The following ATL3 variants were observed in gnomAD, a reference collection of about 807,000 sequenced individuals.
The protein encoded by ATL3 is atlastin-3.
A neutral mutation model predicts 69.5 loss-of-function variants in ATL3; 49 were observed. That is an observed-to-expected ratio of 0.71 (90% CI 0.56 to 0.89). ATL3 has a LOEUF of 0.89. Ranked by LOEUF, ATL3 falls within the 40% of genes least tolerant of loss-of-function variation. The pLI is 0.00. For missense variants in ATL3, 606 were observed against 645.7 expected (o/e 0.94, Z 0.67); for synonymous variants, 214 against 224.1 (o/e 0.95, Z 0.40).
chr11:63,635,706 C>T (rs1939492085), intron 9 of ATL3, 116 bp from the exon 10 acceptor site: 1 of 779,824 alleles, frequency 1.3e-6, no homozygotes, highest in Non-Finnish European at 2.1e-6. Context: ...AGGTCAACAA[C>T]CAGGAATTAG....
intron 5 of ATL3, 130 bp downstream of exon 5, chr11:63,651,806 G>A (rs1329925670): frequency 3.1e-6 from 4 of 1,299,940 alleles, no homozygotes; most frequent in African/African-American, 1.5e-5. Context: ...ACATAGTATA[G>A]AATTACTATG....
chr11:63,645,447 T>C (rs1939839896), intron 6 of ATL3, among the ~76,000 whole-genome samples: 1 of 151,972 alleles, frequency 6.6e-6, no homozygotes, highest in African/African-American at 2.4e-5. Flanking sequence ...GCTTACACAC[T>C]GAAAGCACCT....
intron 3 of ATL3, 92 bp downstream of exon 3, chr11:63,658,669 T>TAAG (rs1940330643): frequency 7.4e-7 from 1 of 1,349,124 alleles, no homozygotes; most frequent in African/African-American, 1.5e-5. Context: ...AATTCTTTGA[T>TAAG]AAAAGGTTTT....
intron 3 of ATL3, among the ~76,000 whole-genome samples, chr11:63,656,592 G>A (rs1040777234): frequency 1.1e-4 from 16 of 151,692 alleles, no homozygotes; most frequent in Admixed American, 3.9e-4. Flanking sequence ...AAATTAGCCA[G>A]GCGTGGTGGT....
chr11:63,671,521 ACAGCCCGAGGCGTGGCGAGCG>A, upstream of ATL3: 1 of 1,436,454 alleles, frequency 7.0e-7, no homozygotes, highest in South Asian at 1.4e-5. Context: ...GGCCCAACGG[ACAGCCCGAGGCGTGGCGAGCG>A]CAGGACGAGG....
At position 63,632,608 on chromosome 11, in the gene ATL3, T is replaced by C. The variant is rs1939359149; in HGVS notation, c.1107+418A>G. 4 of 876,336 alleles carry C rather than the reference T, an allele frequency of 4.6e-6. No individual in the cohort carries two copies. The East Asian group carries it at 9.6e-5, about 21-fold the overall frequency. 54.3% of individuals were successfully genotyped at this position (876,336 alleles called of 1,614,324 possible). On this transcript the variant is annotated intron_variant, in intron 11 of 12. Coordinates refer to ENST00000398868, the MANE Select transcript of ATL3 (RefSeq NM_015459.5). ...AGAATTCTACAGATTCCAGTTACTA[T>C]GGACCTATTCCATATGAACTAATAA... is the stretch of plus-strand genomic sequence containing the variant.
intron 10 of ATL3, among the ~76,000 whole-genome samples, chr11:63,634,085 G>A (rs1414802484): frequency 2.7e-5 from 4 of 147,076 alleles, no homozygotes; most frequent in African/African-American, 1.0e-4. Context: ...GGTGGCTTAC[G>A]CCTGTAATCC....
At chr11:63,645,867 G>T (rs1227843043) in intron 6 of ATL3, among the ~76,000 whole-genome samples, 1 of 151,518 alleles carries the variant, frequency 6.6e-6, no homozygotes, top group East Asian at 1.9e-4. Flanking sequence ...TACCAGGCTC[G>T]AGCGACTCTC....
intron 8 of ATL3, among the ~76,000 whole-genome samples, chr11:63,640,095 A>C (rs1939643823): frequency 6.6e-6 from 1 of 151,784 alleles, no homozygotes; most frequent in South Asian, 2.1e-4. Context: ...TGCCCAGCTA[A>C]TTTTGTATTT....
intron 8 of ATL3, among the ~76,000 whole-genome samples, chr11:63,638,672 T>G (rs1939597478): frequency 6.6e-6 from 1 of 151,224 alleles, no homozygotes; most frequent in Admixed American, 6.6e-5. Flanking sequence ...ACCACTGCAC[T>G]CCAGCCTGGG....
chr11:63,658,987 T>C (rs1375294663), intron 2 of ATL3, 51 bp downstream of exon 2: 2 of 1,605,020 alleles, frequency 1.2e-6, no homozygotes, highest in South Asian at 1.1e-5. Flanking sequence ...TTTCGCTTTT[T>C]TGGACATTAA....
chr11:63,663,989 T>C (rs1176685224), intron 1 of ATL3, among the ~76,000 whole-genome samples: 1 of 152,160 alleles, frequency 6.6e-6, no homozygotes, highest in Non-Finnish European at 1.5e-5. Context: ...GAGTGAATCA[T>C]CTTGGGCCAG....
At chr11:63,661,221 C>CAA (rs1229211370) in intron 1 of ATL3, among the ~76,000 whole-genome samples, 2 of 84,026 alleles carry the variant, frequency 2.4e-5, no homozygotes, top group South Asian at 3.7e-4. Flanking sequence ...GACTTGGTCT[C>CAA]AAAAAAAAAA....
At chr11:63,671,874 C>T (rs918446702), upstream of ATL3, 7 of 448,846 alleles carry the variant, frequency 1.6e-5, no homozygotes, top group African/African-American at 1.1e-4. Flanking sequence ...AGGCTTTATC[C>T]TGGAACCACC....
At chr11:63,641,635 C>T (rs1045600938) in intron 8 of ATL3, among the ~76,000 whole-genome samples, 1 of 152,138 alleles carries the variant, frequency 6.6e-6, no homozygotes, top group Non-Finnish European at 1.5e-5. Flanking sequence ...TTCAGAGTCT[C>T]CGGGCGGAAC....
chr11:63,665,540 A>G (rs1174086685), intron 1 of ATL3, among the ~76,000 whole-genome samples: 3 of 152,018 alleles, frequency 2.0e-5, no homozygotes, highest in Non-Finnish European at 4.4e-5. Flanking sequence ...GTGATTCTGC[A>G]TTTCTCTTCA....
rs763519504 is a variant in ATL3, at chr11:63,627,695, T to C, written c.*1624A>G. 1.3e-5 allele frequency: 2 copies of C among 152,106 alleles called. No individual in the cohort carries two copies. Among genetic ancestry groups the C allele is most frequent in the Non-Finnish European group, 2.9e-5 (2 of 68,020 alleles). 9.4% of individuals were successfully genotyped at this position (152,106 alleles called of 1,614,324 possible). A position where few individuals can be genotyped will look rare whatever the true frequency, so the allele number is the denominator to read the frequency against. Reference sequence around the variant, plus strand: ...TGCAGGCAAGTTTTAAGTTTTAAAATCCACAATAATTCCAAAAGGAAAAGC... The same window carrying C: ...TGCAGGCAAGTTTTAAGTTTTAAAACCCACAATAATTCCAAAAGGAAAAGC... On this transcript the variant is annotated 3_prime_UTR_variant, in exon 13 of 13. Coordinates refer to ENST00000398868, the MANE Select transcript of ATL3 (RefSeq NM_015459.5).
chr11:63,671,874 C>A, upstream of ATL3: 1 of 448,846 alleles, frequency 2.2e-6, no homozygotes, highest in Non-Finnish European at 3.3e-6. Flanking sequence ...AGGCTTTATC[C>A]TGGAACCACC....
chr11:63,648,963 C>CA (rs910692933), intron 5 of ATL3, among the ~76,000 whole-genome samples: 74 of 151,452 alleles, frequency 4.9e-4, no homozygotes, highest in Admixed American at 4.7e-3. Flanking sequence ...ACTAAAAGTA[C>CA]AAAAAAAATT....
Sources: gnomAD v4.1 joint callset for allele counts (sites outside exome capture counted in the v4.1 genomes callset) on GRCh38, gnomAD v4.1.1 for gene constraint, MANE v1.5 for transcripts, NCBI Gene and HGNC (gene_info 2026-07-23, HGNC 2026-07-21) for gene names.